Variants in EFCAB13 observed in about 807,000 individuals in gnomAD.
EFCAB13 encodes the protein EF-hand calcium binding domain 13, also known as EF-hand calcium-binding domain-containing protein 13.
In EFCAB13, 91 loss-of-function variants were observed where a neutral mutation model predicts 110.2. That is an observed-to-expected ratio of 0.83 (90% CI 0.70 to 0.98). EFCAB13 has a LOEUF of 0.98. Ranked by LOEUF, EFCAB13 falls within the 50% of genes least tolerant of loss-of-function variation. EFCAB13 has a pLI of 0.00. For missense variants in EFCAB13, 968 were observed against 1,119.4 expected, an observed-to-expected ratio of 0.86 and a Z score of 1.93; for synonymous variants, 323 against 369.9, an observed-to-expected ratio of 0.87 and a Z score of 1.45.
intron 4 of EFCAB13, chr17:47,328,966 A>G (rs1173128279): frequency 6.6e-6 from 1 of 152,236 alleles, no homozygotes; most frequent in South Asian, 2.1e-4. Flanking sequence ...GAATGCTGTG[A>G]CCGTAAGATC....
chr17:47,423,859 C>G (rs1382291703), intron 23 of EFCAB13, among the ~76,000 whole-genome samples: 1 of 152,052 alleles, frequency 6.6e-6, no homozygotes, highest in Non-Finnish European at 1.5e-5. Flanking sequence ...TAGACCTAGA[C>G]CTTTACCTGC....
chr17:47,366,064 C>T (rs1410608835), intron 10 of EFCAB13, among the ~76,000 whole-genome samples: 3 of 152,064 alleles, frequency 2.0e-5, no homozygotes, highest in Non-Finnish European at 4.4e-5. Flanking sequence ...AGACATAGCA[C>T]TGCAGGTACT....
chr17:47,358,335 A>G (rs571813828), intron 9 of EFCAB13, among the ~76,000 whole-genome samples: 3 of 152,212 alleles, frequency 2.0e-5, no homozygotes, highest in Non-Finnish European at 2.9e-5. Context: ...ATAAAAGGGA[A>G]AAATGCAAAT....
chr17:47,408,316 T>C lies in EFCAB13; in HGVS notation c.2234-1331T>C, dbSNP rs2065815783. 2.0e-5 allele frequency among the ~76,000 whole-genome samples: 3 copies of C among 152,148 alleles called. No homozygotes were observed. The South Asian group carries it at 6.2e-4, about 32-fold the overall frequency. On this transcript the variant is annotated intron_variant, in intron 20 of 24. Transcript: ENST00000331493. Reference sequence around the variant, plus strand: ...TACTGAGATAGAGTTTACCCCATATTTAGAAAGCCATTTCCTGCCTTTAAA... The same window carrying C: ...TACTGAGATAGAGTTTACCCCATATCTAGAAAGCCATTTCCTGCCTTTAAA...
At chr17:47,338,670 A>G (rs2065366159) in intron 5 of EFCAB13, among the ~76,000 whole-genome samples, 1 of 151,886 alleles carries the variant, frequency 6.6e-6, no homozygotes, top group Non-Finnish European at 1.5e-5. Flanking sequence ...GTATATGTAT[A>G]TTGTACCTCA....
intron 7 of EFCAB13, 33 bp from the exon 8 acceptor site, chr17:47,344,983 T>C (rs562829024): frequency 2.1e-5 from 32 of 1,517,668 alleles, no homozygotes; most frequent in Non-Finnish European, 2.9e-5. Context: ...ATATTTTCAT[T>C]GCCACTTTCT....
chr17:47,428,952 A>T (rs1273190760), intron 23 of EFCAB13, among the ~76,000 whole-genome samples: 2 of 152,130 alleles, frequency 1.3e-5, no homozygotes, highest in Non-Finnish European at 2.9e-5. Flanking sequence ...TATTTCAGAT[A>T]AAAAAATTTT....
chr17:47,374,483 G>A lies in EFCAB13; in HGVS notation c.889G>A (p.Gly297Arg). ...TTTCTCTTATTTAGCAATTACAGAAGGATCACCTTTGAATGAAATTACTTC... is the reference window on the plus strand; with the variant it reads ...TTTCTCTTATTTAGCAATTACAGAAAGATCACCTTTGAATGAAATTACTTC... ...EQYEDVSITEGSPLNEITSDR... is the reference protein window; with the variant it reads ...EQYEDVSITERSPLNEITSDR... Residue 297 changes from glycine to arginine, a missense_variant, in exon 12 of 25, where the codon GGA (glycine) becomes AGA (arginine). Transcript: ENST00000331493. 6.6e-7 allele frequency: 1 copy of A among 1,509,816 alleles called. No individual in the cohort carries two copies. Among genetic ancestry groups the A allele is most frequent in the Non-Finnish European group, 8.8e-7 (1 of 1,130,880 alleles). 93.5% of individuals were successfully genotyped at this position (1,509,816 alleles called of 1,614,324 possible).
At chr17:47,326,752 G>T (rs1250973478) in intron 3 of EFCAB13, among the ~76,000 whole-genome samples, 1 of 152,128 alleles carries the variant, frequency 6.6e-6, no homozygotes, top group African/African-American at 2.4e-5. Flanking sequence ...ATGGGTTACT[G>T]GGGAGACCTG....
chr17:47,359,519 T>TTC (rs1555579712), intron 9 of EFCAB13, among the ~76,000 whole-genome samples: 1 of 124,048 alleles, frequency 8.1e-6, no homozygotes, highest in Non-Finnish European at 1.7e-5. Context: ...GGAATTGTGT[T>TTC]TTTTTTTTTT....
intron 14 of EFCAB13, among the ~76,000 whole-genome samples, chr17:47,390,910 G>GTCTATCTA (rs1436843247): frequency 1.9e-4 from 20 of 106,574 alleles, no homozygotes; most frequent in East Asian, 1.3e-3. Flanking sequence ...ATGTGTGTCT[G>GTCTATCTA]TCTGTCTATC....
At chr17:47,346,023 C>T (rs998363026) in intron 8 of EFCAB13, among the ~76,000 whole-genome samples, 1 of 152,036 alleles carries the variant, frequency 6.6e-6, no homozygotes, top group Non-Finnish European at 1.5e-5. Flanking sequence ...TCTTTTCTCC[C>T]CTATTTCTTT....
chr17:47,350,624 T>C (rs1314737038), intron 9 of EFCAB13, among the ~76,000 whole-genome samples: 6 of 152,042 alleles, frequency 3.9e-5, no homozygotes, highest in African/African-American at 1.4e-4. Context: ...TTGAAATCTC[T>C]CATCTGTTTT....
chr17:47,415,923 C>T (rs1207783755), intron 23 of EFCAB13, among the ~76,000 whole-genome samples: 1 of 152,028 alleles, frequency 6.6e-6, no homozygotes, highest in Admixed American at 6.6e-5. Context: ...GAGACCATTT[C>T]AACACCAACA....
intron 5 of EFCAB13, chr17:47,341,371 T>C (rs1376554219): frequency 1.3e-5 from 2 of 152,942 alleles, no homozygotes; most frequent in African/African-American, 4.8e-5. Context: ...TGGTGTTTTT[T>C]GTTTTGTTTT....
In EFCAB13 at chr17:47,402,174, G is replaced by A. The variant is rs779096220; in HGVS notation, c.1988G>A (p.Arg663Lys). 1.2e-6 allele frequency: 2 copies of A among 1,613,840 alleles called. No individual in the cohort carries two copies. The highest frequency in any genetic ancestry group is 1.7e-6 in the Non-Finnish European group (2 of 1,179,926). Residue 663 changes from arginine (R) to lysine (K), a missense_variant, in exon 18 of 25, where the codon AGG (arginine) becomes AAG (lysine). By Grantham distance (26) the Arg-to-Lys change is conservative. Coordinates refer to ENST00000331493, the MANE Select transcript of EFCAB13 (RefSeq NM_152347.5). ...TTTGAAGAATTTGCAAAAGTAGTAA[G>A]GAATATGCGTGATGCTGCCAGGTTA... is the stretch of plus-strand genomic sequence containing the variant. ...VQFEEFAKVV[R>K]NMRDAARLEE... is the part of the protein sequence containing the mutation.
intron 21 of EFCAB13, among the ~76,000 whole-genome samples, chr17:47,412,139 A>G (rs1029615711): frequency 1.3e-5 from 2 of 152,216 alleles, no homozygotes; most frequent in Non-Finnish European, 1.5e-5. Context: ...TAAAAAGCAC[A>G]TAATGATTAT....
chr17:47,373,109 A>C (rs544027055), intron 11 of EFCAB13, among the ~76,000 whole-genome samples: 1 of 151,484 alleles, frequency 6.6e-6, no homozygotes, highest in Middle Eastern at 3.2e-3. Context: ...ATTATTTTTC[A>C]TTCTTTTTAT....
intron 17 of EFCAB13, among the ~76,000 whole-genome samples, chr17:47,398,488 T>C (rs2065760460): frequency 6.6e-6 from 1 of 151,456 alleles, no homozygotes; most frequent in Admixed American, 6.6e-5. Context: ...GAGGTAGACA[T>C]GGGAGACTTT....
Sources: gnomAD v4.1 joint callset for allele counts (sites outside exome capture counted in the v4.1 genomes callset) on GRCh38, gnomAD v4.1.1 for gene constraint, MANE v1.5 for transcripts, NCBI Gene and HGNC (gene_info 2026-07-23, HGNC 2026-07-21) for gene names.